TNS1: variants seen among roughly 807,000 people sequenced by gnomAD.
The protein encoded by TNS1 is tensin-1.
In TNS1, 62 loss-of-function variants were observed where a neutral mutation model predicts 168.6. The ratio of observed to expected loss-of-function variants is 0.37; its 90% CI spans 0.30 to 0.45. TNS1 has a LOEUF of 0.45. Ranked by LOEUF, TNS1 falls within the 20% of genes least tolerant of loss-of-function variation. The probability of loss-of-function intolerance (pLI) is 1.00; values close to 1 mark genes in which losing one functional copy is unlikely to be tolerated. For synonymous variants in TNS1, 934 were observed against 933.2 expected, an observed-to-expected ratio of 1.00 and a Z score of -0.02; for missense variants, 2,240 against 2,339.4, an observed-to-expected ratio of 0.96 and a Z score of 0.88.
rs1019688997 is a variant in TNS1 at position 217,842,223 on chromosome 2, C to T, written c.3007+5287G>A. 6.3e-5 allele frequency: 40 copies of T among 635,368 alleles called. No individual in the cohort carries two copies. The Admixed American group carries it at 9.8e-4, about 16-fold the overall frequency. 39.4% of individuals were successfully genotyped at this position (635,368 alleles called of 1,614,324 possible). A position where few individuals can be genotyped will look rare whatever the true frequency, so the allele number is the denominator to read the frequency against. ...TGCTATGCTTAATCTGGTATGTACA[C>T]GTCAACAATTCCCATATCTCTAAGT... On this transcript the variant is annotated intron_variant, in intron 19 of 32. Coordinates refer to ENST00000682258, the MANE Select transcript of TNS1 (RefSeq NM_001387777.1).
rs151293418 is a variant in TNS1, at chr2:217,960,099, C to T, written c.186+18666G>A. ...CCTCACCTACCCTTGTACTGGGGTC[C>T]TAGGAGACTCCACCAGTCCCTCCAC... is the stretch of plus-strand genomic sequence containing the variant. On this transcript the variant is annotated intron_variant, in intron 3 of 32. Coordinates refer to ENST00000682258, the MANE Select transcript of TNS1 (RefSeq NM_001387777.1). Among the ~76,000 whole-genome samples, 1,024 of 152,148 alleles carry T rather than the reference C, an allele frequency of 6.7e-3. 12 individuals carry two copies. The highest frequency in any genetic ancestry group is 0.024 in the African/African-American group (980 of 41,494).
At chr2:218,009,365 G>A (rs536396028) in intron 1 of TNS1, among the ~76,000 whole-genome samples, 3 of 151,292 alleles carry the variant, frequency 2.0e-5, no homozygotes, top group South Asian at 4.2e-4. Flanking sequence ...CCACCCTCAC[G>A]TCTATACTCC....
At chr2:217,971,875 A>G (rs1957780718) in intron 3 of TNS1, among the ~76,000 whole-genome samples, 1 of 152,210 alleles carries the variant, frequency 6.6e-6, no homozygotes, top group Non-Finnish European at 1.5e-5. Context: ...CAAACAAGCG[A>G]AAGACATATC....
chr2:217,982,120 G>A (rs529711782), intron 2 of TNS1, among the ~76,000 whole-genome samples: 6 of 152,192 alleles, frequency 3.9e-5, no homozygotes, highest in African/African-American at 9.6e-5. Flanking sequence ...TGACCATGTC[G>A]TGAAAACACT....
chr2:217,809,787 G>C (rs1559142247), intron 30 of TNS1, 36 bp downstream of exon 30: 1 of 1,594,890 alleles, frequency 6.3e-7, no homozygotes, highest in African/African-American at 1.3e-5. Context: ...TCACAGGAAG[G>C]AGAACCCCAC....
At chr2:217,910,810 T>G (rs1003966068) in intron 4 of TNS1, among the ~76,000 whole-genome samples, 35 of 150,156 alleles carry the variant, frequency 2.3e-4, no homozygotes, top group African/African-American at 7.6e-4. Context: ...GAGAGGGACT[T>G]AAGACATCAT....
At chr2:217,918,800 C>T (rs553973809) in intron 4 of TNS1, among the ~76,000 whole-genome samples, 11 of 151,656 alleles carry the variant, frequency 7.3e-5, no homozygotes, top group African/African-American at 1.2e-4. Context: ...AATCCAAGCG[C>T]GATTTCTTGC....
chr2:218,011,251 G>A (rs914156691), upstream of TNS1, among the ~76,000 whole-genome samples: 5 of 152,168 alleles, frequency 3.3e-5, no homozygotes, highest in Non-Finnish European at 5.9e-5. Context: ...ACTAGGGAGA[G>A]GGAAGGAAAA....
chr2:217,909,431 C>T (rs1954095569), intron 4 of TNS1, among the ~76,000 whole-genome samples: 2 of 152,144 alleles, frequency 1.3e-5, no homozygotes, highest in African/African-American at 2.4e-5. Context: ...CCGTTCAGGG[C>T]CCAGAAAAGC....
At chr2:217,806,144 G>A (rs573427720) in intron 32 of TNS1, among the ~76,000 whole-genome samples, 62 of 152,274 alleles carry the variant, frequency 4.1e-4, no homozygotes, top group African/African-American at 1.4e-3. Flanking sequence ...ATGGAGACCC[G>A]GCAACTGCAC....
At chr2:217,909,334 C>T (rs959569485) in intron 4 of TNS1, among the ~76,000 whole-genome samples, 1 of 152,154 alleles carries the variant, frequency 6.6e-6, no homozygotes, top group Non-Finnish European at 1.5e-5. Context: ...AAAGCCCTCA[C>T]TCCTGACCTG....
At chr2:217,924,459 A>G (rs1294618429) in intron 3 of TNS1, among the ~76,000 whole-genome samples, 1 of 152,226 alleles carries the variant, frequency 6.6e-6, no homozygotes, top group Non-Finnish European at 1.5e-5. Flanking sequence ...AACAAGTGTC[A>G]TGAGGGCAGG....
At position 217,991,897 on chromosome 2, in the gene TNS1, C is replaced by T. The variant is rs141149728; in HGVS notation, c.34-841G>A. On this transcript the variant is annotated intron_variant, in intron 1 of 32. Transcript: ENST00000682258. ...TATCCTTTTCTAAATGACACCACCT[C>T]ATGCATGAGAGGCAGGCTGGTGGCC... Among the ~76,000 whole-genome samples, 501 of 152,240 alleles carry T rather than the reference C, an allele frequency of 3.3e-3. 2 individuals are homozygous for T. Among genetic ancestry groups the T allele is most frequent in the African/African-American group, 0.012 (479 of 41,540 alleles).
chr2:217,913,047 T>C (rs1181588982), intron 4 of TNS1, among the ~76,000 whole-genome samples: 1 of 152,148 alleles, frequency 6.6e-6, no homozygotes, highest in African/African-American at 2.4e-5. Flanking sequence ...CCCAGAGCCC[T>C]GTGCTCTCCC....
intron 21 of TNS1, among the ~76,000 whole-genome samples, chr2:217,834,215 C>T (rs1275171733): frequency 6.6e-6 from 1 of 152,208 alleles, no homozygotes; most frequent in Non-Finnish European, 1.5e-5. Context: ...TTGCCACATT[C>T]CTCTCCAGTA....
Position 217,895,034 on chromosome 2 carries a change from C to G in TNS1, c.566G>C (p.Arg189Thr), listed in dbSNP as rs141417657. ...GGCATGGAGCTTCGTGATGTCAGGT[C>G]TCCGCTCAGAGAGGTTGAACAGCTA... ...NYLLFNLSER[R>T]PDITKLHAKV... Residue 189 changes from arginine (R) to threonine (T), a missense_variant, in exon 9 of 33, where the codon AGA (arginine) becomes ACA (threonine). Arg to Thr is a moderately conservative substitution (Grantham distance 71). This residue lies in a region of TNS1 where 2,131 missense variants were observed against 2,171.2 expected (regional missense o/e 0.98). Transcript: ENST00000682258. 6.2e-7 allele frequency: 1 copy of G among 1,612,660 alleles called. No homozygotes were observed.
intron 19 of TNS1, among the ~76,000 whole-genome samples, chr2:217,837,815 G>T (rs1945373530): frequency 6.6e-6 from 1 of 152,240 alleles, no homozygotes; most frequent in Non-Finnish European, 1.5e-5. Flanking sequence ...ATTAGACCCA[G>T]CCAGGGGCTG....
At chr2:217,994,267 G>A (rs1396325047) in intron 1 of TNS1, among the ~76,000 whole-genome samples, 2 of 152,096 alleles carry the variant, frequency 1.3e-5, no homozygotes, top group African/African-American at 4.8e-5. Flanking sequence ...CTGGACTTGG[G>A]GGACTTCCCT....
At chr2:217,951,039 C>G (rs1559384450) in intron 3 of TNS1, among the ~76,000 whole-genome samples, 2 of 152,128 alleles carry the variant, frequency 1.3e-5, no homozygotes, top group East Asian at 1.9e-4. Flanking sequence ...CGGATCCACC[C>G]CTATAGAAAA....
Sources: allele counts gnomAD v4.1 joint callset (sites outside exome capture counted in the v4.1 genomes callset), GRCh38; gene constraint gnomAD v4.1.1; regional missense constraint gnomAD v4.1.1; transcripts MANE v1.5; gene names NCBI Gene and HGNC (gene_info 2026-07-23, HGNC 2026-07-21).